Variants in XKR4 observed in about 807,000 individuals in gnomAD.
XKR4 encodes the protein XK-related protein 4.
XKR4 carries 12 observed loss-of-function variants against 53.9 expected under a neutral mutation model. The ratio of observed to expected loss-of-function variants is 0.22; its 90% CI spans 0.14 to 0.36. XKR4 has a LOEUF of 0.36. Among genes scored for constraint, XKR4 ranks in the 10% least tolerant of loss-of-function variants. The pLI, the probability that XKR4 is intolerant of heterozygous loss-of-function variation, is 1.00. For missense variants in XKR4, 799 were observed against 859.5 expected (o/e 0.93, Z 0.88); for synonymous variants, 354 against 362.4 (o/e 0.98, Z 0.26).
rs1186869690 is a variant in XKR4 at position 55,537,756 on chromosome 8, T to A, written c.*13529T>A. ...GAAATCAAATGGATCCTCCACTTTG[T>A]GTAGTAAGGACCCCCCAGGCCCCAC... On this transcript the variant is annotated 3_prime_UTR_variant, in exon 3 of 3. Coordinates refer to ENST00000327381, the MANE Select transcript of XKR4 (RefSeq NM_052898.2). 6.6e-6 allele frequency: 1 copy of A among 152,122 alleles called. No individual in the cohort carries two copies. The highest frequency in any genetic ancestry group is 1.5e-5 in the Non-Finnish European group (1 of 68,026). The allele number at this position is 152,122 out of a possible 1,614,324, so 9.4% of individuals were successfully genotyped here.
At chr8:55,490,513 G>A (rs528410121) in intron 2 of XKR4, among the ~76,000 whole-genome samples, 5 of 152,006 alleles carry the variant, frequency 3.3e-5, no homozygotes, top group African/African-American at 9.7e-5. Flanking sequence ...TCAGCATCAC[G>A]CAATATACCC....
chr8:55,450,364 C>T (rs1054805343), intron 2 of XKR4: 5 of 673,430 alleles, frequency 7.4e-6, no homozygotes, highest in African/African-American at 5.5e-5. Context: ...GCTGTAGGGC[C>T]GCAGGACCTC....
chr8:55,387,878 T>A (rs1381648611), intron 2 of XKR4, among the ~76,000 whole-genome samples: 1 of 152,166 alleles, frequency 6.6e-6, no homozygotes, highest in Non-Finnish European at 1.5e-5. Flanking sequence ...AGAATGGAAC[T>A]TCTGTCACAC....
intron 1 of XKR4, among the ~76,000 whole-genome samples, chr8:55,246,623 A>G (rs768793234): frequency 1.3e-5 from 2 of 152,040 alleles, no homozygotes; most frequent in Non-Finnish European, 2.9e-5. Context: ...TCAATCTGGG[A>G]TGGATAAAGC....
rs1816048270 is a variant in XKR4 at position 55,102,113 on chromosome 8, G to C, written c.-376G>C. Among the ~76,000 whole-genome samples the C allele has an allele frequency of 2.0e-5, 3 of 151,268 alleles. No homozygotes were observed. Among genetic ancestry groups the C allele is most frequent in the Admixed American group, 2.0e-4 (3 of 15,218 alleles). On this transcript the variant is annotated 5_prime_UTR_variant, in exon 1 of 3. Coordinates refer to ENST00000327381, the MANE Select transcript of XKR4 (RefSeq NM_052898.2). The surrounding 1 kb of genome is among the most constrained non-coding windows in gnomAD (Gnocchi z 5.1). Reference sequence around the variant, plus strand: ...GGGGAGGAGAGGAATGTGCAGGTCCGAGGAGCGCCGCGGCGGCCGCTGCTG... The same window carrying C: ...GGGGAGGAGAGGAATGTGCAGGTCCCAGGAGCGCCGCGGCGGCCGCTGCTG...
At chr8:55,317,173 T>C (rs571609954) in intron 1 of XKR4, among the ~76,000 whole-genome samples, 34 of 152,364 alleles carry the variant, frequency 2.2e-4, no homozygotes, top group African/African-American at 5.8e-4. Context: ...TGCTTATTTC[T>C]GAAAGATTTT....
chr8:55,288,495 G>A (rs1818938792), intron 1 of XKR4, among the ~76,000 whole-genome samples: 2 of 152,178 alleles, frequency 1.3e-5, no homozygotes, highest in Admixed American at 6.5e-5. Context: ...TAATTCACTT[G>A]TAAATGTAAT....
At chr8:55,481,519 T>C (rs182336525) in intron 2 of XKR4, among the ~76,000 whole-genome samples, 85 of 152,250 alleles carry the variant, frequency 5.6e-4, no homozygotes, top group African/African-American at 1.9e-3. Context: ...TCAAAAGCAA[T>C]GGCAACAAAA....
chr8:55,486,038 T>C (rs1362064673), intron 2 of XKR4, among the ~76,000 whole-genome samples: 1 of 152,126 alleles, frequency 6.6e-6, no homozygotes, highest in Non-Finnish European at 1.5e-5. Context: ...TACAGTAAAA[T>C]AGATACATAT....
At chr8:55,177,893 G>A (rs1817254922) in intron 1 of XKR4, among the ~76,000 whole-genome samples, 1 of 152,040 alleles carries the variant, frequency 6.6e-6, no homozygotes, top group Admixed American at 6.6e-5. Flanking sequence ...TTCCTCAAAT[G>A]CCACTGGCCA....
At chr8:55,226,571 T>C (rs1303448314) in intron 1 of XKR4, among the ~76,000 whole-genome samples, 1 of 152,200 alleles carries the variant, frequency 6.6e-6, no homozygotes, top group Non-Finnish European at 1.5e-5. Context: ...ACCCATTTTT[T>C]AGAAATCCCT....
intron 1 of XKR4, among the ~76,000 whole-genome samples, chr8:55,329,145 A>ATGCCCC (rs1246851884): frequency 2.6e-5 from 4 of 152,166 alleles, no homozygotes; most frequent in Non-Finnish European, 5.9e-5. Flanking sequence ...CCTAAATCTC[A>ATGCCCC]TGCCCCTGCC....
intron 2 of XKR4, chr8:55,452,451 G>T (rs968629762): frequency 3.2e-6 from 2 of 626,312 alleles, no homozygotes; most frequent in Non-Finnish European, 5.8e-6. Context: ...GCCCGCCCTC[G>T]CACCCTCCTC....
chr8:55,485,198 C>T (rs944678817), intron 2 of XKR4, among the ~76,000 whole-genome samples: 4 of 152,260 alleles, frequency 2.6e-5, no homozygotes, highest in African/African-American at 9.6e-5. Flanking sequence ...AGGTCAGGAG[C>T]AAAGCAAGAT....
At chr8:55,282,256 C>A (rs967258294) in intron 1 of XKR4, among the ~76,000 whole-genome samples, 2 of 152,168 alleles carry the variant, frequency 1.3e-5, no homozygotes, top group African/African-American at 4.8e-5. Context: ...ATTCCTATTG[C>A]CTTGTGACAT....
intron 2 of XKR4, 80 bp downstream of exon 2, chr8:55,357,957 A>T: frequency 2.1e-6 from 3 of 1,430,510 alleles, no homozygotes; most frequent in Admixed American, 4.1e-5. Context: ...AACTGTCCTA[A>T]TGCCCTTTGT....
intron 1 of XKR4, among the ~76,000 whole-genome samples, chr8:55,143,957 A>G (rs1031152267): frequency 6.6e-6 from 1 of 152,208 alleles, no homozygotes; most frequent in Non-Finnish European, 1.5e-5. Context: ...TCTAACAGGT[A>G]ATCTATCATT....
intron 2 of XKR4, among the ~76,000 whole-genome samples, chr8:55,402,120 A>T (rs1024323206): frequency 1.3e-5 from 2 of 152,340 alleles, no homozygotes; most frequent in South Asian, 2.1e-4. Context: ...ACTCCAGCGG[A>T]TAAGTCATGG....
At chr8:55,116,428 A>C (rs373683465) in intron 1 of XKR4, among the ~76,000 whole-genome samples, 42 of 152,304 alleles carry the variant, frequency 2.8e-4, no homozygotes, top group South Asian at 2.3e-3. Flanking sequence ...TGAGGCCCAC[A>C]AGGCACAGGT....
Sources: gnomAD v4.1 joint callset for allele counts (sites outside exome capture counted in the v4.1 genomes callset) on GRCh38, gnomAD v4.1.1 for gene constraint, Gnocchi (gnomAD v3.1) non-coding constraint, MANE v1.5 for transcripts, NCBI Gene and HGNC (gene_info 2026-07-23, HGNC 2026-07-21) for gene names.